The following GNRHR variants were observed in gnomAD, a reference collection of about 807,000 sequenced individuals.
GNRHR encodes the protein gonadotropin releasing hormone receptor.
A neutral mutation model predicts 28.1 loss-of-function variants in GNRHR; 14 were observed. The ratio of observed to expected loss-of-function variants is 0.50; its 90% CI spans 0.33 to 0.78. The LOEUF (loss-of-function observed/expected upper bound fraction) is 0.78, where lower values mean the gene tolerates loss of function less well. GNRHR is among the 30% of genes least tolerant of loss of function. The pLI is 0.02. For missense variants in GNRHR, 366 were observed against 382.1 expected (o/e 0.96, Z 0.35); for synonymous variants, 141 against 140.5 (o/e 1.00, Z -0.02).
rs1478211409 is a variant in GNRHR, at chr4:67,740,743, A to G, written c.743-19T>C. 6.2e-7 allele frequency: 1 copy of G among 1,603,348 alleles called. No homozygotes were observed. Among genetic ancestry groups the G allele is most frequent in the African/African-American group, 1.3e-5 (1 of 74,836 alleles). ...TGTAGTTCTGTTGGATAGAGAAAAG[A>G]GCAGGTGTTTAAAGATCAGTTTTCT... is the stretch of plus-strand genomic sequence containing the variant. On this transcript the variant is annotated intron_variant, in intron 2 of 2. Coordinates refer to ENST00000226413, the MANE Select transcript of GNRHR (RefSeq NM_000406.3).
intron 1 of GNRHR, among the ~76,000 whole-genome samples, chr4:67,752,821 T>G (rs1338493675): frequency 6.6e-6 from 1 of 152,158 alleles, no homozygotes; most frequent in Non-Finnish European, 1.5e-5. Flanking sequence ...TGTTGTTGTT[T>G]TTTAACCATC....
At chr4:67,745,977 T>C (rs1373820929) in intron 1 of GNRHR, among the ~76,000 whole-genome samples, 2 of 152,132 alleles carry the variant, frequency 1.3e-5, no homozygotes, top group Non-Finnish European at 2.9e-5. Context: ...TAAAGAGGTA[T>C]GCAACTGAAT....
intron 1 of GNRHR, among the ~76,000 whole-genome samples, chr4:67,750,186 A>G (rs1025426808): frequency 6.6e-6 from 1 of 152,120 alleles, no homozygotes; most frequent in Admixed American, 6.6e-5. Flanking sequence ...TTTGAGCCCA[A>G]CTCCATTTGA....
rs760899066 is a variant in GNRHR at position 67,744,606 on chromosome 4, A to T, written c.704T>A (p.Ile235Asn). Residue 235 changes from isoleucine (I) to asparagine (N), a missense_variant, in exon 2 of 3, where the codon ATC becomes AAC. Physicochemically the swap from Ile to Asn is moderately radical, Grantham distance 149 (BLOSUM62 -3). Transcript: ENST00000226413. ...ATGAAGGACCCGTGTCAGGGTGAAG[A>T]TGATTTTTGCATTGCAGATCAGCAT... ...FIMLICNAKIIFTLTRVLHQD... is the reference protein window; with the variant it reads ...FIMLICNAKINFTLTRVLHQD... The T allele has an allele frequency of 6.2e-7, 1 of 1,612,650 alleles. No individual in the cohort carries two copies. The highest frequency in any genetic ancestry group is 8.5e-7 in the Non-Finnish European group (1 of 1,178,730).
At chr4:67,752,264 T>G (rs902033421) in intron 1 of GNRHR, among the ~76,000 whole-genome samples, 15 of 151,876 alleles carry the variant, frequency 9.9e-5, no homozygotes, top group Non-Finnish European at 7.4e-5. Context: ...TGCAGTGCAG[T>G]TGCAGTGATG....
chr4:67,742,880 G>T (rs1350800924), intron 2 of GNRHR, among the ~76,000 whole-genome samples: 1 of 152,086 alleles, frequency 6.6e-6, no homozygotes, highest in East Asian at 1.9e-4. Flanking sequence ...ATTAAATACA[G>T]ACTGATTATG....
chr4:67,738,186 A>G lies in GNRHR; in HGVS notation c.*2294T>C, dbSNP rs1236618578. ...TACATTTTTATGTTTGCATATAAATAGATGAATAGATTATGTTATATTTTT... is the reference window on the plus strand; with the variant it reads ...TACATTTTTATGTTTGCATATAAATGGATGAATAGATTATGTTATATTTTT... On this transcript the variant is annotated 3_prime_UTR_variant, in exon 3 of 3. Transcript: ENST00000226413. 6.6e-6 allele frequency among the ~76,000 whole-genome samples: 1 copy of G among 151,836 alleles called. No homozygotes were observed. The highest frequency in any genetic ancestry group is 1.5e-5 in the Non-Finnish European group (1 of 67,828).
chr4:67,743,256 C>T (rs1256289040), intron 2 of GNRHR, among the ~76,000 whole-genome samples: 26 of 152,112 alleles, frequency 1.7e-4, no homozygotes, highest in Admixed American at 1.6e-3. Context: ...CTGGCCTTCA[C>T]ACACTATCGT....
chr4:67,740,408 T>C lies in GNRHR; in HGVS notation c.*72A>G. 9.1e-7 allele frequency: 1 copy of C among 1,101,918 alleles called. No individual in the cohort carries two copies. Among genetic ancestry groups the C allele is most frequent in the Non-Finnish European group, 1.4e-6 (1 of 716,636 alleles). 68.3% of individuals were successfully genotyped at this position (1,101,918 alleles called of 1,614,324 possible). A position where few individuals can be genotyped will look rare whatever the true frequency, so the allele number is the denominator to read the frequency against. ...GTATGTAAACATGCTCCAACATTTG[T>C]GTTAATCATTCCCAGATGGAGAGAT... On this transcript the variant is annotated 3_prime_UTR_variant, in exon 3 of 3. Coordinates refer to ENST00000226413, the MANE Select transcript of GNRHR (RefSeq NM_000406.3).
In GNRHR at chr4:67,753,935, A is replaced by G; in HGVS notation, c.401T>C (p.Val134Ala). 6.2e-7 allele frequency: 1 copy of G among 1,614,028 alleles called. No individual in the cohort carries two copies. The highest frequency in any genetic ancestry group is 8.5e-7 in the Non-Finnish European group (1 of 1,179,938). The change falls in exon 1 of 3, where the codon GTG becomes GCG. Residue 134 changes from valine (V) to alanine (A), a missense_variant. Coordinates refer to ENST00000226413, the MANE Select transcript of GNRHR (RefSeq NM_000406.3). ...SMYAPAFMMV[V>A]ISLDRSLAIT... The stretch of plus-strand genomic sequence containing the variant: ...AGCCAGGGAGCGGTCCAGGCTGATC[A>G]CCACCATCATGAAGGCTGGGGCATA...
In GNRHR at chr4:67,740,424, A is replaced by G. The variant is rs1731636020; in HGVS notation, c.*56T>C. ...CAACATTTGTGTTAATCATTCCCAG[A>G]TGGAGAGATTCATTACCTTACCCTT... On this transcript the variant is annotated 3_prime_UTR_variant, in exon 3 of 3. Coordinates refer to ENST00000226413, the MANE Select transcript of GNRHR (RefSeq NM_000406.3). 1 of 1,280,166 alleles carries G rather than the reference A, an allele frequency of 7.8e-7. No individual in the cohort carries two copies. The highest frequency in any genetic ancestry group is 1.2e-5 in the South Asian group (1 of 83,762). 79.3% of individuals were successfully genotyped at this position (1,280,166 alleles called of 1,614,324 possible).
At chr4:67,750,071 G>T (rs1007314028) in intron 1 of GNRHR, among the ~76,000 whole-genome samples, 1 of 152,094 alleles carries the variant, frequency 6.6e-6, no homozygotes, top group Admixed American at 6.6e-5. Flanking sequence ...AAGGTGTAAA[G>T]TCTTAGATGA....
chr4:67,738,730 A>T lies in GNRHR; in HGVS notation c.*1750T>A, dbSNP rs1199980949. On this transcript the variant is annotated 3_prime_UTR_variant, in exon 3 of 3. Coordinates refer to ENST00000226413, the MANE Select transcript of GNRHR (RefSeq NM_000406.3). ...AAATCTTGGAATGGGTTTATGTGCC[A>T]ACTTGAGCATTTTAGCACACTACAG... Among the ~76,000 whole-genome samples the T allele has an allele frequency of 3.3e-5, 5 of 152,032 alleles. No homozygotes were observed. Among genetic ancestry groups the T allele is most frequent in the African/African-American group, 4.8e-5 (2 of 41,450 alleles).
At position 67,737,992 on chromosome 4, in the gene GNRHR, TTA is replaced by T. The variant is rs1330438661; in HGVS notation, c.*2486_*2487del. 9.9e-5 allele frequency among the ~76,000 whole-genome samples: 15 copies of T among 151,614 alleles called. No homozygotes were observed. The highest frequency in any genetic ancestry group is 3.4e-4 in the African/African-American group (14 of 41,372). The stretch of plus-strand genomic sequence containing the variant: ...ATATTTATCTTTTGTGCCATAAATT[TTA>T]GTTTATATATTACATTATAATGTAT... On this transcript the variant is annotated 3_prime_UTR_variant, in exon 3 of 3. Coordinates refer to ENST00000226413, the MANE Select transcript of GNRHR (RefSeq NM_000406.3).
At chr4:67,753,688 T>A in intron 1 of GNRHR, 126 bp downstream of exon 1, 1 of 814,750 alleles carries the variant, frequency 1.2e-6, no homozygotes. Context: ...TAAACTTCAC[T>A]CTCTGACTTC....
At chr4:67,750,352 A>G (rs569605454) in intron 1 of GNRHR, among the ~76,000 whole-genome samples, 39 of 152,310 alleles carry the variant, frequency 2.6e-4, no homozygotes, top group African/African-American at 8.9e-4. Flanking sequence ...AGCTCCACTT[A>G]TATCTGTTTC....
At position 67,744,677 on chromosome 4, in the gene GNRHR, A is replaced by C; in HGVS notation, c.633T>G (p.Tyr211Ter). The C allele has an allele frequency of 6.2e-7, 1 of 1,612,718 alleles. No homozygotes were observed. Among genetic ancestry groups the C allele is most frequent in the Non-Finnish European group, 8.5e-7 (1 of 1,178,668 alleles). The change falls in exon 2 of 3, where the codon TAT becomes TAG. Residue 211 changes from tyrosine to a stop codon, truncating the protein, a stop_gained. Coordinates refer to ENST00000226413, the MANE Select transcript of GNRHR (RefSeq NM_000406.3). LOFTEE classifies it high-confidence loss of function. ...AGAGGCAGCTGAAGGTGAAAAAGTT[A>C]TAAAATGCTTGATGCCACCATTGTG... ...SFSQWWHQAF[Y>*]NFFTFSCLFI...
intron 2 of GNRHR, among the ~76,000 whole-genome samples, chr4:67,742,750 A>G (rs949944770): frequency 6.6e-6 from 1 of 152,206 alleles, no homozygotes; most frequent in African/African-American, 2.4e-5. Flanking sequence ...ATTCAGAAAT[A>G]GTCATTCTGA....
At chr4:67,746,041 ATAACT>A (rs766563281) in intron 1 of GNRHR, among the ~76,000 whole-genome samples, 6 of 152,102 alleles carry the variant, frequency 3.9e-5, no homozygotes, top group Non-Finnish European at 7.4e-5. Flanking sequence ...TTAAACCGGG[ATAACT>A]TATGAGCTCT....
Sources: allele counts gnomAD v4.1 joint callset (sites outside exome capture counted in the v4.1 genomes callset), GRCh38; gene constraint gnomAD v4.1.1; transcripts MANE v1.5; gene names NCBI Gene and HGNC (gene_info 2026-07-23, HGNC 2026-07-21).